ARHGEF12: variants seen among roughly 807,000 people sequenced by gnomAD.
ARHGEF12 encodes the protein KMT2A/ARHGEF12 fusion protein.
Under a neutral mutation model 211.2 loss-of-function variants are expected in ARHGEF12, and 66 were observed. The observed-to-expected ratio is 0.31, with a 90% confidence interval of 0.26 to 0.38. ARHGEF12 has a LOEUF of 0.38. Among genes scored for constraint, ARHGEF12 ranks in the 10% least tolerant of loss-of-function variants. The pLI, the probability that ARHGEF12 is intolerant of heterozygous loss-of-function variation, is 1.00. For missense variants in ARHGEF12, 1,429 were observed against 1,869.5 expected (o/e 0.76, Z 4.34); for synonymous variants, 592 against 638.4 (o/e 0.93, Z 1.09).
At chr11:120,446,550 A>G (rs368793190) in intron 17 of ARHGEF12, 42 bp downstream of exon 17, 211 of 1,492,400 alleles carry the variant, frequency 1.4e-4, no homozygotes, top group Middle Eastern at 8.7e-4. Flanking sequence ...ATTATTCTAA[A>G]TTAATTTTTT....
chr11:120,383,121 A>G (rs1187794530), intron 1 of ARHGEF12, among the ~76,000 whole-genome samples: 1 of 152,180 alleles, frequency 6.6e-6, no homozygotes, highest in Non-Finnish European at 1.5e-5. Context: ...CCTGGGCGAC[A>G]GAGCCAGACT....
chr11:120,368,012 C>T (rs11217841), intron 1 of ARHGEF12, among the ~76,000 whole-genome samples: 3 of 151,824 alleles, frequency 2.0e-5, no homozygotes, highest in Admixed American at 1.3e-4. Flanking sequence ...AAAATAAGAC[C>T]GAAAGATTTC....
intron 1 of ARHGEF12, among the ~76,000 whole-genome samples, chr11:120,403,277 C>G (rs1944594033): frequency 1.3e-5 from 2 of 152,164 alleles, no homozygotes; most frequent in East Asian, 3.9e-4. Flanking sequence ...GAGGCCAAGG[C>G]AGGCTGATCA....
chr11:120,451,998 C>T (rs1946228378), intron 22 of ARHGEF12, among the ~76,000 whole-genome samples: 1 of 152,182 alleles, frequency 6.6e-6, no homozygotes, highest in Admixed American at 6.5e-5. Flanking sequence ...CCTCATGCAG[C>T]TTTCTCTCTT....
intron 18 of ARHGEF12, 120 bp downstream of exon 18, chr11:120,447,205 G>A: frequency 8.9e-7 from 1 of 1,128,158 alleles, no homozygotes; most frequent in East Asian, 2.8e-5. Flanking sequence ...CGTTTATTTT[G>A]TCATAGTACT....
chr11:120,397,478 T>C (rs1273332272), intron 1 of ARHGEF12, among the ~76,000 whole-genome samples: 1 of 152,224 alleles, frequency 6.6e-6, no homozygotes, highest in East Asian at 1.9e-4. Context: ...GAACTTGGGT[T>C]ACAAGGATAT....
At chr11:120,398,475 A>C (rs1308120535) in intron 1 of ARHGEF12, among the ~76,000 whole-genome samples, 1 of 152,158 alleles carries the variant, frequency 6.6e-6, no homozygotes, top group Non-Finnish European at 1.5e-5. Context: ...GCATGCATAT[A>C]ATTAATTTCC....
chr11:120,456,094 G>GTA (rs1276073083), intron 22 of ARHGEF12, among the ~76,000 whole-genome samples: 3 of 152,176 alleles, frequency 2.0e-5, no homozygotes, highest in South Asian at 2.1e-4. Context: ...GTAGACGACA[G>GTA]TATATATATG....
intron 1 of ARHGEF12, among the ~76,000 whole-genome samples, chr11:120,405,599 A>G (rs1283193972): frequency 6.6e-6 from 1 of 152,224 alleles, no homozygotes; most frequent in Non-Finnish European, 1.5e-5. Context: ...ATAGATCAAT[A>G]GTGCAGTAAT....
At chr11:120,351,339 C>A (rs1942935237) in intron 1 of ARHGEF12, among the ~76,000 whole-genome samples, 1 of 10,614 alleles carries the variant, frequency 9.4e-5, no homozygotes, top group Non-Finnish European at 1.3e-4. Flanking sequence ...AAGACTCCGT[C>A]TCAAAAAAAA....
Position 120,446,975 on chromosome 11 carries a change from G to A in ARHGEF12, c.1479G>A (p.Leu493=). 1 of 1,614,184 alleles carries A rather than the reference G, an allele frequency of 6.2e-7. No homozygotes were observed. Among genetic ancestry groups the A allele is most frequent in the Non-Finnish European group, 8.5e-7 (1 of 1,180,012 alleles). The change falls in exon 18 of 41, where the codon TTG becomes TTA. Residue 493 remains leucine (L), a synonymous_variant. Transcript: ENST00000397843. ...FRQKRSMGLT[L]AESELTKLDA... is the part of the protein sequence containing the mutation. Reference sequence around the variant, plus strand: ...AGAAACGTAGTATGGGACTGACCTTGGCTGAAAGCGAGCTGACTAAACTTG... The same window carrying A: ...AGAAACGTAGTATGGGACTGACCTTAGCTGAAAGCGAGCTGACTAAACTTG...
intron 22 of ARHGEF12, among the ~76,000 whole-genome samples, chr11:120,455,100 A>T (rs1051376412): frequency 6.6e-6 from 1 of 152,222 alleles, no homozygotes; most frequent in African/African-American, 2.4e-5. Flanking sequence ...ATATGAAAGG[A>T]TAGAAATTTG....
At chr11:120,345,744 C>G (rs1477647214) in intron 1 of ARHGEF12, among the ~76,000 whole-genome samples, 1 of 149,744 alleles carries the variant, frequency 6.7e-6, no homozygotes, top group Non-Finnish European at 1.5e-5. Flanking sequence ...TGTCATACTC[C>G]TAAATATATA....
chr11:120,413,461 G>A (rs904113406), intron 4 of ARHGEF12, among the ~76,000 whole-genome samples: 1 of 152,184 alleles, frequency 6.6e-6, no homozygotes, highest in African/African-American at 2.4e-5. Context: ...ATTGACATAG[G>A]AAGTATTTTA....
intron 18 of ARHGEF12, among the ~76,000 whole-genome samples, chr11:120,447,523 A>G (rs1946079213): frequency 1.3e-5 from 2 of 152,286 alleles, no homozygotes; most frequent in East Asian, 3.9e-4. Flanking sequence ...ATCTGAGTTA[A>G]TAACAATTTT....
intron 4 of ARHGEF12, among the ~76,000 whole-genome samples, chr11:120,416,576 A>G (rs957794289): frequency 6.6e-6 from 1 of 152,104 alleles, no homozygotes; most frequent in African/African-American, 2.4e-5. Context: ...GCCCTTTTAA[A>G]TTTCCCTTCT....
At position 120,429,336 on chromosome 11, in the gene ARHGEF12, A is replaced by AT. The variant is rs538085570; in HGVS notation, c.586-102dup. The AT allele has an allele frequency of 3.4e-4, 291 of 863,450 alleles. 1 individual carries two copies. The African/African-American group carries it at 4.7e-3, about 14-fold the overall frequency. The allele number at this position is 863,450 out of a possible 1,614,324, so 53.5% of individuals were successfully genotyped here. A position where few individuals can be genotyped will look rare whatever the true frequency, so the allele number is the denominator to read the frequency against. On this transcript the variant is annotated intron_variant, in intron 8 of 40. Coordinates refer to ENST00000397843, the MANE Select transcript of ARHGEF12 (RefSeq NM_015313.3). ...AGTAAAAACCTAATAGGTATTGATAATTGGAGCCGAGGCAGAACTTTGTAT... is the reference window on the plus strand; with the variant it reads ...AGTAAAAACCTAATAGGTATTGATAATTTGGAGCCGAGGCAGAACTTTGTAT...
rs139458491 is a variant in ARHGEF12, at chr11:120,379,862, T to G, written c.33-26256T>G. Reference sequence around the variant, plus strand: ...TTATTTATTGATAGATTTGGTTTACTAATATTTTGATGATTGTTCTTGTTC... The same window carrying G: ...TTATTTATTGATAGATTTGGTTTACGAATATTTTGATGATTGTTCTTGTTC... On this transcript the variant is annotated intron_variant, in intron 1 of 40. Transcript: ENST00000397843. 1.2e-4 allele frequency among the ~76,000 whole-genome samples: 18 copies of G among 152,308 alleles called. No individual in the cohort carries two copies. In the East Asian group the frequency reaches 3.5e-3, roughly 29 times the overall value.
rs565006821 is a variant in ARHGEF12, at chr11:120,406,692, G to T, written c.56+551G>T. Among the ~76,000 whole-genome samples the T allele has an allele frequency of 4.3e-4, 65 of 152,268 alleles. No homozygotes were observed. In the East Asian group the frequency reaches 0.011, roughly 25 times the overall value. On this transcript the variant is annotated intron_variant, in intron 2 of 40. Transcript: ENST00000397843. ...TCCTGCCTCAGCCTCCCGAGTAGCT[G>T]GGACTACAGGCGCCCGCCACCACGC...
Sources: allele counts gnomAD v4.1 joint callset (sites outside exome capture counted in the v4.1 genomes callset), GRCh38; gene constraint gnomAD v4.1.1; transcripts MANE v1.5; gene names NCBI Gene and HGNC (gene_info 2026-07-23, HGNC 2026-07-21).